The following NT5C2 variants were observed in gnomAD, a reference collection of about 807,000 sequenced individuals.
NT5C2 encodes 5'-nucleotidase, cytosolic II, also known as cytosolic purine 5'-nucleotidase.
A neutral mutation model predicts 76.1 loss-of-function variants in NT5C2; 58 were observed. The observed-to-expected ratio is 0.76, with a 90% CI of 0.62 to 0.95. NT5C2 has a LOEUF of 0.95. Ranked by LOEUF, NT5C2 falls within the 40% of genes least tolerant of loss-of-function variation. NT5C2 has a pLI of 0.00. For missense variants in NT5C2, 478 were observed against 690.3 expected, an observed-to-expected ratio of 0.69 and a Z score of 3.45; for synonymous variants, 229 against 237.4, an observed-to-expected ratio of 0.96 and a Z score of 0.32.
chr10:103,092,029 C>T (rs761556852), intron 15 of NT5C2, among the ~76,000 whole-genome samples: 1 of 152,176 alleles, frequency 6.6e-6, no homozygotes, highest in Non-Finnish European at 1.5e-5. Context: ...GCCAAATCAA[C>T]TAGATTTCTA....
chr10:103,120,885 G>A (rs189164999), intron 4 of NT5C2, among the ~76,000 whole-genome samples: 2 of 152,196 alleles, frequency 1.3e-5, no homozygotes, highest in African/African-American at 4.8e-5. Context: ...GCCAAAAGGT[G>A]GAGACAATCC....
chr10:103,141,217 G>A lies in NT5C2; in HGVS notation c.102-1738C>T, dbSNP rs192289762. 3.9e-5 allele frequency among the ~76,000 whole-genome samples: 6 copies of A among 152,306 alleles called. No individual in the cohort carries two copies. The East Asian group carries it at 9.6e-4, about 24-fold the overall frequency. ...CACACCTGTAATCCCAGCATTTTGA[G>A]AGGCCGAGGCAGGCAGATGGCTTTA... is the stretch of plus-strand genomic sequence containing the variant. On this transcript the variant is annotated intron_variant, in intron 3 of 18. Transcript: ENST00000404739.
At chr10:103,173,061 C>G (rs1279426829) in intron 3 of NT5C2, among the ~76,000 whole-genome samples, 1 of 152,070 alleles carries the variant, frequency 6.6e-6, no homozygotes, top group Non-Finnish European at 1.5e-5. Context: ...ATTGCCCAGG[C>G]TGTTCTCAAA....
intron 3 of NT5C2, among the ~76,000 whole-genome samples, chr10:103,143,820 TG>T (rs752544878): frequency 9.2e-5 from 14 of 152,096 alleles, no homozygotes; most frequent in Non-Finnish European, 1.5e-4. Flanking sequence ...CCACGTGTAG[TG>T]GCACATGCCT....
At chr10:103,143,188 T>C (rs2080848583) in intron 3 of NT5C2, among the ~76,000 whole-genome samples, 1 of 152,084 alleles carries the variant, frequency 6.6e-6, no homozygotes, top group Non-Finnish European at 1.5e-5. Context: ...ATTAGAATGA[T>C]ATAGATCAGT....
In NT5C2 at chr10:103,189,592, G is replaced by A. The variant is rs1421393580; in HGVS notation, c.-169+3644C>T. On this transcript the variant is annotated intron_variant, in intron 1 of 18. Coordinates refer to ENST00000404739, the MANE Select transcript of NT5C2 (RefSeq NM_001351169.2). ...CTGCACTACAGCCTGGCGACAGAGCGAGACTCCATCTCAAAAAAAAAAACG... is the reference window on the plus strand; with the variant it reads ...CTGCACTACAGCCTGGCGACAGAGCAAGACTCCATCTCAAAAAAAAAAACG... Among the ~76,000 whole-genome samples, 7 of 146,182 alleles carry A rather than the reference G, an allele frequency of 4.8e-5. No homozygotes were observed. The East Asian group carries it at 6.2e-4, about 13-fold the overall frequency.
At chr10:103,187,709 A>C (rs1451376270) in intron 1 of NT5C2, among the ~76,000 whole-genome samples, 1 of 152,186 alleles carries the variant, frequency 6.6e-6, no homozygotes, top group Non-Finnish European at 1.5e-5. Flanking sequence ...ACACACTATT[A>C]TTCTAGCTGG....
At position 103,160,260 on chromosome 10, in the gene NT5C2, C is replaced by T. The variant is rs565186020; in HGVS notation, c.101+14598G>A. Among the ~76,000 whole-genome samples, 21 of 152,130 alleles carry T rather than the reference C, an allele frequency of 1.4e-4. No individual in the cohort carries two copies. In the South Asian group the frequency reaches 3.9e-3, roughly 29 times the overall value. The stretch of plus-strand genomic sequence containing the variant: ...AAAGTAAATGAAAATGGATCAAAAA[C>T]GTAAATGTAAGACCTAAAGCTGTAA... On this transcript the variant is annotated intron_variant, in intron 3 of 18. Transcript: ENST00000404739.
chr10:103,125,052 AT>A, intron 4 of NT5C2: 1 of 269,388 alleles, frequency 3.7e-6, no homozygotes, highest in Non-Finnish European at 7.3e-6. Flanking sequence ...CCTCCTGTGC[AT>A]TTTCGTCTTG....
intron 3 of NT5C2, among the ~76,000 whole-genome samples, chr10:103,155,278 T>C (rs1451597732): frequency 6.6e-6 from 1 of 152,188 alleles, no homozygotes; most frequent in African/African-American, 2.4e-5. Context: ...GGCTGAGTCT[T>C]AGAGATAGGA....
chr10:103,106,047 A>C (rs1194343176), intron 5 of NT5C2, among the ~76,000 whole-genome samples: 1 of 152,246 alleles, frequency 6.6e-6, no homozygotes, highest in African/African-American at 2.4e-5. Flanking sequence ...TTAATCAAAC[A>C]AGGTATAAAA....
intron 3 of NT5C2, among the ~76,000 whole-genome samples, chr10:103,149,156 C>G (rs891294994): frequency 1.3e-5 from 2 of 151,854 alleles, no homozygotes; most frequent in Non-Finnish European, 2.9e-5. Flanking sequence ...CCCAGGTGAC[C>G]GAAAGAAGCG....
chr10:103,123,855 G>GA (rs201368291), intron 4 of NT5C2, among the ~76,000 whole-genome samples: 5 of 149,796 alleles, frequency 3.3e-5, no homozygotes, highest in African/African-American at 1.2e-4. Flanking sequence ...ATTGGGGGGG[G>GA]AAAAAAAAAG....
intron 1 of NT5C2, among the ~76,000 whole-genome samples, chr10:103,183,262 GATATATATATA>G (rs900378469): frequency 9.5e-5 from 7 of 73,344 alleles, no homozygotes; most frequent in African/African-American, 2.0e-4. Context: ...GTGTGTGTGT[GATATATATATA>G]TATATATATA....
At chr10:103,161,428 G>A (rs759495815) in intron 3 of NT5C2, among the ~76,000 whole-genome samples, 8 of 152,134 alleles carry the variant, frequency 5.3e-5, no homozygotes, top group Non-Finnish European at 1.0e-4. Context: ...CAATTTGCCC[G>A]TCTCACCTAC....
At chr10:103,147,888 T>C (rs772568795) in intron 3 of NT5C2, among the ~76,000 whole-genome samples, 2 of 152,134 alleles carry the variant, frequency 1.3e-5, no homozygotes, top group South Asian at 2.1e-4. Context: ...GTTCTAAAAT[T>C]AGATAGCGGT....
intron 3 of NT5C2, among the ~76,000 whole-genome samples, chr10:103,156,915 C>T (rs567146924): frequency 8.9e-4 from 126 of 141,702 alleles, no homozygotes; most frequent in African/African-American, 3.0e-3. Context: ...AACTTAACCA[C>T]GCGTGGTGGC....
intron 9 of NT5C2, among the ~76,000 whole-genome samples, chr10:103,099,636 C>T (rs1178902073): frequency 6.6e-6 from 1 of 151,642 alleles, no homozygotes; most frequent in African/African-American, 2.4e-5. Context: ...CACTGTCATC[C>T]ACAAAGGATA....
intron 6 of NT5C2, among the ~76,000 whole-genome samples, chr10:103,101,634 A>G (rs1353942783): frequency 4.0e-5 from 6 of 151,764 alleles, no homozygotes; most frequent in African/African-American, 1.5e-4. Context: ...TACAGGTGTG[A>G]TGTCCAGCTT....
Sources: gnomAD v4.1 joint callset for allele counts (sites outside exome capture counted in the v4.1 genomes callset) on GRCh38, gnomAD v4.1.1 for gene constraint, MANE v1.5 for transcripts, NCBI Gene and HGNC (gene_info 2026-07-23, HGNC 2026-07-21) for gene names.